Variants in ATL2 observed in about 807,000 individuals in gnomAD.
ATL2 encodes the protein atlastin-2.
Under a neutral mutation model 73.9 loss-of-function variants are expected in ATL2, and 31 were observed. That is an observed-to-expected ratio of 0.42 (90% confidence interval 0.32 to 0.57). ATL2 has a LOEUF of 0.57. Among genes scored for constraint, ATL2 ranks in the 20% least tolerant of loss-of-function variants. The pLI, the probability that ATL2 is intolerant of heterozygous loss-of-function variation, is 0.14. For missense variants in ATL2, 738 were observed against 702.6 expected (o/e 1.05, Z -0.57); for synonymous variants, 291 against 237.5 (o/e 1.23, Z -2.07).
intron 1 of ATL2, chr2:38,354,143 G>A (rs948792110): frequency 1.9e-5 from 8 of 419,366 alleles, no homozygotes; most frequent in Non-Finnish European, 3.7e-5. Context: ...CGAAGATCGT[G>A]CCACTGCACT....
chr2:38,296,797 C>T lies in ATL2; in HGVS notation c.1633-684G>A, dbSNP rs932837577. 20 of 1,508,938 alleles carry T rather than the reference C, an allele frequency of 1.3e-5. No homozygotes were observed. In the Admixed American group the frequency reaches 1.8e-4, roughly 13 times the overall value. 93.5% of individuals were successfully genotyped at this position (1,508,938 alleles called of 1,614,324 possible). On this transcript the variant is annotated intron_variant, in intron 12 of 12. Transcript: ENST00000378954. ...AGCTGATTACCTTACCTAAACTATA[C>T]TGAAAATGATTTTATACACTTTAGA... is the stretch of plus-strand genomic sequence containing the variant.
intron 12 of ATL2, 179 bp from the exon 13 acceptor site, chr2:38,296,292 A>T (rs1224865182): frequency 2.8e-6 from 4 of 1,440,128 alleles, no homozygotes; most frequent in Non-Finnish European, 3.6e-6. Flanking sequence ...ATAATGCAAC[A>T]AAAATTACTT....
At chr2:38,351,979 G>T (rs1167275122) in intron 1 of ATL2, among the ~76,000 whole-genome samples, 2 of 151,404 alleles carry the variant, frequency 1.3e-5, no homozygotes, top group Non-Finnish European at 3.0e-5. Flanking sequence ...GGGTGTGGTG[G>T]CAGGCCCCTG....
At chr2:38,300,890 A>AAAAC (rs1667151107) in intron 9 of ATL2, among the ~76,000 whole-genome samples, 1 of 151,808 alleles carries the variant, frequency 6.6e-6, no homozygotes, top group African/African-American at 2.4e-5. Flanking sequence ...GAAAAAAAAA[A>AAAAC]AAAAAACTAA....
At chr2:38,335,717 C>T (rs1669319956) in intron 2 of ATL2, among the ~76,000 whole-genome samples, 1 of 152,104 alleles carries the variant, frequency 6.6e-6, no homozygotes. Flanking sequence ...AAGGTTTATA[C>T]ACTTTATGTA....
chr2:38,309,579 TTC>T (rs1234202509), intron 8 of ATL2, 73 bp from the exon 9 acceptor site: 1 of 1,436,210 alleles, frequency 7.0e-7, no homozygotes, highest in African/African-American at 1.4e-5. Context: ...TTTCATAAAA[TTC>T]TGTTTTATGA....
At chr2:38,355,975 G>A (rs1446256652) in intron 1 of ATL2, among the ~76,000 whole-genome samples, 1 of 151,746 alleles carries the variant, frequency 6.6e-6, no homozygotes, top group African/African-American at 2.4e-5. Context: ...GGGATTACAG[G>A]CATGAGCCAC....
intron 2 of ATL2, among the ~76,000 whole-genome samples, chr2:38,331,437 GAAAAAAAA>G (rs34238912): frequency 1.2e-5 from 1 of 80,338 alleles, no homozygotes; most frequent in South Asian, 4.0e-4. Context: ...TCTGTCTCAA[GAAAAAAAA>G]AAAAAAAAAA....
chr2:38,350,307 C>A (rs527240519), intron 1 of ATL2, among the ~76,000 whole-genome samples: 88 of 152,308 alleles, frequency 5.8e-4, no homozygotes, highest in African/African-American at 2.1e-3. Flanking sequence ...AGCTAAAAGA[C>A]ACCTAAAGAT....
intron 2 of ATL2, among the ~76,000 whole-genome samples, chr2:38,320,641 A>G (rs1261256920): frequency 6.6e-6 from 1 of 152,232 alleles, no homozygotes; most frequent in African/African-American, 2.4e-5. Context: ...CCTAAAGTTT[A>G]GTATACTTAA....
At chr2:38,320,184 T>A (rs898291578) in intron 2 of ATL2, among the ~76,000 whole-genome samples, 1 of 152,224 alleles carries the variant, frequency 6.6e-6, no homozygotes, top group Non-Finnish European at 1.5e-5. Flanking sequence ...AAACCATCTA[T>A]TTAAAACGTC....
In ATL2 at chr2:38,377,177, G is replaced by A; in HGVS notation, c.84C>T (p.Ala28=). ...WRRRRTSDPS[A]AVNHVSSTTS... Reference sequence around the variant, plus strand: ...TCGTGGACGAGACGTGGTTAACCGCGGCGCTTGGGTCGCTGGTCCGTCGCC... The same window carrying A: ...TCGTGGACGAGACGTGGTTAACCGCAGCGCTTGGGTCGCTGGTCCGTCGCC... The change falls in exon 1 of 13, where the codon GCC becomes GCT. Residue 28 remains alanine (A), a synonymous_variant. Transcript: ENST00000378954. The A allele has an allele frequency of 1.2e-6, 2 of 1,610,796 alleles. No individual in the cohort carries two copies. Among genetic ancestry groups the A allele is most frequent in the East Asian group, 2.2e-5 (1 of 44,776 alleles).
Position 38,299,280 on chromosome 2 carries a change from A to G in ATL2, c.1176T>C (p.Asp392=), listed in dbSNP as rs756496636. ...CCTGTTCCATACTTTTACAATAGGT[A>G]TCTCTTGCTCCTGCTACTGCAGCAA... ...NNLAAVAGAR[D]TYCKSMEQVC... Residue 392 remains aspartate, a synonymous_variant, in exon 11 of 13, where the codon GAT becomes GAC. Coordinates refer to ENST00000378954, the MANE Select transcript of ATL2 (RefSeq NM_001135673.4). 97 of 1,520,054 alleles carry G rather than the reference A, an allele frequency of 6.4e-5. No individual in the cohort carries two copies. The highest frequency in any genetic ancestry group is 8.7e-7 in the Non-Finnish European group (1 of 1,145,484). The allele number at this position is 1,520,054 out of a possible 1,614,324, so 94.2% of individuals were successfully genotyped here.
At chr2:38,334,140 C>T (rs1573509759) in intron 2 of ATL2, among the ~76,000 whole-genome samples, 2 of 150,352 alleles carry the variant, frequency 1.3e-5, no homozygotes, top group Admixed American at 6.6e-5. Context: ...AGAGGTTCTC[C>T]TGCCTCAGCC....
intron 2 of ATL2, among the ~76,000 whole-genome samples, chr2:38,339,080 G>GT (rs561385131): frequency 5.8e-4 from 88 of 152,156 alleles, no homozygotes; most frequent in Non-Finnish European, 1.1e-3. Context: ...GCTGTGTGTG[G>GT]TGGCAGGCAC....
intron 1 of ATL2, 119 bp downstream of exon 1, chr2:38,377,021 GGGA>G: frequency 2.7e-6 from 2 of 742,776 alleles, no homozygotes; most frequent in Non-Finnish European, 4.0e-6. Flanking sequence ...GCGCGGCGGC[GGGA>G]GGAGACCTGA....
chr2:38,344,366 T>C (rs769264792), intron 1 of ATL2, among the ~76,000 whole-genome samples: 27 of 152,180 alleles, frequency 1.8e-4, no homozygotes, highest in Non-Finnish European at 3.1e-4. Context: ...TCCCAACACT[T>C]TGGGAGGCCG....
Position 38,300,254 on chromosome 2 carries a change from C to T in ATL2, c.1128+18G>A. On this transcript the variant is annotated intron_variant, in intron 10 of 12. Coordinates refer to ENST00000378954, the MANE Select transcript of ATL2 (RefSeq NM_001135673.4). ...AAATAAGTATATGTACAACACATATCACTCTCTCTCTCTCTACCTGAAGCA... is the reference window on the plus strand; with the variant it reads ...AAATAAGTATATGTACAACACATATTACTCTCTCTCTCTCTACCTGAAGCA... 1 of 1,558,238 alleles carries T rather than the reference C, an allele frequency of 6.4e-7. No homozygotes were observed. Among genetic ancestry groups the T allele is most frequent in the Non-Finnish European group, 8.8e-7 (1 of 1,131,724 alleles).
At chr2:38,311,189 A>T (rs1235120817) in intron 7 of ATL2, among the ~76,000 whole-genome samples, 1 of 152,054 alleles carries the variant, frequency 6.6e-6, no homozygotes, top group Non-Finnish European at 1.5e-5. Context: ...AAGCTAAGAT[A>T]AAAAAAATTA....
Sources: gnomAD v4.1 joint callset for allele counts (sites outside exome capture counted in the v4.1 genomes callset) on GRCh38, gnomAD v4.1.1 for gene constraint, MANE v1.5 for transcripts, NCBI Gene and HGNC (gene_info 2026-07-23, HGNC 2026-07-21) for gene names.